Variants in GALNT3 observed in about 807,000 individuals in gnomAD.
The protein encoded by GALNT3 is polypeptide N-acetylgalactosaminyltransferase 3, also known as GalNAc transferase 3.
In GALNT3, 51 loss-of-function variants were observed where a neutral mutation model predicts 69.8. The ratio of observed to expected loss-of-function variants is 0.73; its 90% CI spans 0.58 to 0.92. The LOEUF (loss-of-function observed/expected upper bound fraction) is 0.92, where lower values mean the gene tolerates loss of function less well. Ranked by LOEUF, GALNT3 falls within the 40% of genes least tolerant of loss-of-function variation. The probability of loss-of-function intolerance (pLI) is 0.00; values close to 1 mark genes in which losing one functional copy is unlikely to be tolerated. For missense variants in GALNT3, 711 were observed against 760.0 expected, an observed-to-expected ratio of 0.94 and a Z score of 0.76; for synonymous variants, 265 against 248.5, an observed-to-expected ratio of 1.07 and a Z score of -0.63.
At chr2:165,775,533 A>G (rs1688832483) in intron 1 of GALNT3, among the ~76,000 whole-genome samples, 1 of 152,164 alleles carries the variant, frequency 6.6e-6, no homozygotes, top group Non-Finnish European at 1.5e-5. Flanking sequence ...TCCAACATTG[A>G]TGGGATTTTC....
At chr2:165,792,359 A>G (rs1479731379) in intron 1 of GALNT3, among the ~76,000 whole-genome samples, 1 of 152,248 alleles carries the variant, frequency 6.6e-6, no homozygotes, top group African/African-American at 2.4e-5. Context: ...AATGAAGACT[A>G]ATATTCAAAA....
chr2:165,789,342 T>C (rs1683294994), intron 1 of GALNT3, among the ~76,000 whole-genome samples: 1 of 152,096 alleles, frequency 6.6e-6, no homozygotes, highest in Admixed American at 6.5e-5. Context: ...ACATTATCTT[T>C]TACAAAAACA....
At chr2:165,750,825 G>A (rs1033325077) in intron 9 of GALNT3, among the ~76,000 whole-genome samples, 4 of 152,114 alleles carry the variant, frequency 2.6e-5, no homozygotes, top group African/African-American at 9.7e-5. Flanking sequence ...CAGAACATAT[G>A]TATCTATAAC....
chr2:165,759,574 G>A lies in GALNT3; in HGVS notation c.839-4C>T. ...AGCCAACCATAGAAACACTCACCTG[G>A]AGGGAACAGAATTTTAATTAATTCA... On this transcript the variant is annotated splice_polypyrimidine_tract_variant and splice_region_variant and intron_variant, in intron 4 of 10. Transcript: ENST00000392701. The A allele has an allele frequency of 1.9e-6, 3 of 1,604,650 alleles. No homozygotes were observed. Among genetic ancestry groups the A allele is most frequent in the Non-Finnish European group, 2.6e-6 (3 of 1,171,946 alleles).
At position 165,762,032 on chromosome 2, in the gene GALNT3, A is replaced by G. The variant is rs763851590; in HGVS notation, c.711T>C (p.Asp237=). Residue 237 remains aspartate, a synonymous_variant, in exon 4 of 11, where the codon GAT becomes GAC. Transcript: ENST00000392701. ...SVDEYLHDKL[D]EYVKQFSIVK... ...CTATAGAAAATTGTTTTACATATTC[A>G]TCTAGTTTATCATGTAAGTACTCTG... The G allele has an allele frequency of 6.3e-7, 1 of 1,577,028 alleles. No homozygotes were observed. Among genetic ancestry groups the G allele is most frequent in the African/African-American group, 1.3e-5 (1 of 74,118 alleles).
At chr2:165,777,459 C>T (rs147715719) in intron 1 of GALNT3, among the ~76,000 whole-genome samples, 1 of 152,258 alleles carries the variant, frequency 6.6e-6, no homozygotes, top group East Asian at 1.9e-4. Context: ...AGACCTTGCC[C>T]TGATAATAAA....
At chr2:165,750,511 T>C (rs1688339462) in intron 9 of GALNT3, among the ~76,000 whole-genome samples, 2 of 152,174 alleles carry the variant, frequency 1.3e-5, no homozygotes, top group Non-Finnish European at 2.9e-5. Context: ...TCCTCTCAGA[T>C]GTTAACATCC....
At chr2:165,770,062 T>A in intron 2 of GALNT3, 124 bp downstream of exon 2, 1 of 1,063,360 alleles carries the variant, frequency 9.4e-7, no homozygotes, top group East Asian at 2.6e-5. Flanking sequence ...ACAGGTTAAA[T>A]AAACAGTATT....
At chr2:165,787,146 A>G (rs537472707) in intron 1 of GALNT3, among the ~76,000 whole-genome samples, 94 of 152,294 alleles carry the variant, frequency 6.2e-4, no homozygotes, top group African/African-American at 2.2e-3. Context: ...AGGGGGAAGG[A>G]TGTGGTGAGA....
In GALNT3 at chr2:165,775,904, T is replaced by C. The variant is rs1688838716; in HGVS notation, c.-108-5096A>G. ...TAATTTCTAATAAGCCAAAGATGGGTGTTTCAAAATAGATTCTTGATGTAA... is the reference window on the plus strand; with the variant it reads ...TAATTTCTAATAAGCCAAAGATGGGCGTTTCAAAATAGATTCTTGATGTAA... On this transcript the variant is annotated intron_variant, in intron 1 of 10. Transcript: ENST00000392701. 2.6e-5 allele frequency among the ~76,000 whole-genome samples: 4 copies of C among 152,168 alleles called. No individual in the cohort carries two copies. The South Asian group carries it at 6.2e-4, about 24-fold the overall frequency.
At chr2:165,777,382 C>T (rs1682982648) in intron 1 of GALNT3, among the ~76,000 whole-genome samples, 1 of 152,116 alleles carries the variant, frequency 6.6e-6, no homozygotes, top group African/African-American at 2.4e-5. Context: ...GGATCTTTGC[C>T]ACACATTATC....
chr2:165,757,239 T>C lies in GALNT3; in HGVS notation c.1200A>G (p.Gln400=), dbSNP rs1688462701. Residue 400 remains glutamine (Q), a synonymous_variant, in exon 7 of 11, where the codon CAA becomes CAG. Coordinates refer to ENST00000392701, the MANE Select transcript of GALNT3 (RefSeq NM_004482.4). ...ENIEMSFRVW[Q]CGGQLEIMPC... ...GCATAATCTCCAACTGCCCACCACATTGCCATACCTGATAATTAATGATAT... is the reference window on the plus strand; with the variant it reads ...GCATAATCTCCAACTGCCCACCACACTGCCATACCTGATAATTAATGATAT... The C allele has an allele frequency of 1.9e-6, 3 of 1,613,536 alleles. No homozygotes were observed. Among genetic ancestry groups the C allele is most frequent in the African/African-American group, 1.3e-5 (1 of 74,914 alleles).
At chr2:165,754,857 G>A in intron 8 of GALNT3, 75 bp downstream of exon 8, 1 of 1,511,294 alleles carries the variant, frequency 6.6e-7, no homozygotes, top group Non-Finnish European at 9.1e-7. Context: ...AAGTATTTCA[G>A]CAATTTTCTT....
At chr2:165,778,171 C>T (rs1368947143) in intron 1 of GALNT3, among the ~76,000 whole-genome samples, 2 of 152,226 alleles carry the variant, frequency 1.3e-5, no homozygotes, top group Non-Finnish European at 2.9e-5. Flanking sequence ...GGCTCACATG[C>T]TCTTTCCTGC....
chr2:165,788,121 G>A (rs1436004112), intron 1 of GALNT3, among the ~76,000 whole-genome samples: 2 of 152,032 alleles, frequency 1.3e-5, no homozygotes, highest in Non-Finnish European at 2.9e-5. Context: ...AAGGTCAGGA[G>A]ATCAAGACCA....
intron 1 of GALNT3, among the ~76,000 whole-genome samples, chr2:165,789,761 A>G (rs527261549): frequency 6.6e-6 from 1 of 152,136 alleles, no homozygotes; most frequent in Non-Finnish European, 1.5e-5. Context: ...TGGTTTACAT[A>G]ATCAATGTAA....
intron 1 of GALNT3, among the ~76,000 whole-genome samples, chr2:165,775,873 C>T (rs904178517): frequency 3.3e-5 from 5 of 152,150 alleles, no homozygotes; most frequent in Non-Finnish European, 5.9e-5. Flanking sequence ...AAGGCAACCA[C>T]ATTACTAATT....
chr2:165,793,106 C>T (rs1390280071), intron 1 of GALNT3, among the ~76,000 whole-genome samples: 1 of 152,116 alleles, frequency 6.6e-6, no homozygotes, highest in Non-Finnish European at 1.5e-5. Context: ...AAGGTAAGCG[C>T]CAGTTTCACC....
In GALNT3 at chr2:165,748,669, G is replaced by T; in HGVS notation, c.*112C>A. The T allele has an allele frequency of 1.0e-6, 1 of 982,370 alleles. No homozygotes were observed. Among genetic ancestry groups the T allele is most frequent in the Non-Finnish European group, 1.5e-6 (1 of 653,736 alleles). 60.9% of individuals were successfully genotyped at this position (982,370 alleles called of 1,614,324 possible). On this transcript the variant is annotated 3_prime_UTR_variant, in exon 11 of 11. Transcript: ENST00000392701. The stretch of plus-strand genomic sequence containing the variant: ...GATATAAATAAGAAAAATGCACTTG[G>T]AATAAGTTACATTTAGCTGCTTTTG...
Sources: gnomAD v4.1 joint callset for allele counts (sites outside exome capture counted in the v4.1 genomes callset) on GRCh38, gnomAD v4.1.1 for gene constraint, MANE v1.5 for transcripts, NCBI Gene and HGNC (gene_info 2026-07-23, HGNC 2026-07-21) for gene names.